CNTN4: variants seen among roughly 807,000 people sequenced by gnomAD.
CNTN4 encodes the protein contactin-4.
CNTN4 carries 77 observed loss-of-function variants against 122.5 expected under a neutral mutation model. The ratio of observed to expected loss-of-function variants is 0.63; its 90% CI spans 0.52 to 0.76. CNTN4 has a LOEUF of 0.76. CNTN4 is among the 30% of genes least tolerant of loss of function. The probability of loss-of-function intolerance (pLI) is 0.00; values close to 1 mark genes in which losing one functional copy is unlikely to be tolerated. For missense variants in CNTN4, 1,256 were observed against 1,259.1 expected (o/e 1.00, Z 0.04); for synonymous variants, 512 against 447.0 (o/e 1.15, Z -1.83).
At chr3:2,965,841 A>G (rs746516825) in intron 13 of CNTN4, among the ~76,000 whole-genome samples, 2 of 152,262 alleles carry the variant, frequency 1.3e-5, no homozygotes, top group African/African-American at 2.4e-5. Context: ...CCCTGTATGT[A>G]TCTAACTCCT....
chr3:2,391,085 T>A (rs558196338), intron 3 of CNTN4, among the ~76,000 whole-genome samples: 25 of 152,292 alleles, frequency 1.6e-4, no homozygotes, highest in African/African-American at 5.8e-4. Flanking sequence ...TGTAATGGGC[T>A]CAGTACTGAC....
chr3:2,839,339 C>T (rs1196290649), intron 7 of CNTN4, among the ~76,000 whole-genome samples: 1 of 150,826 alleles, frequency 6.6e-6, no homozygotes, highest in Non-Finnish European at 1.5e-5. Flanking sequence ...ACCTTAGATG[C>T]AGATAAAAAG....
At chr3:2,118,579 A>G (rs1018767158) in intron 2 of CNTN4, among the ~76,000 whole-genome samples, 1 of 152,214 alleles carries the variant, frequency 6.6e-6, no homozygotes, top group Non-Finnish European at 1.5e-5. Context: ...GTTATATATT[A>G]TTCATTAATC....
chr3:2,624,746 C>T (rs1467976724), intron 4 of CNTN4, among the ~76,000 whole-genome samples: 1 of 151,380 alleles, frequency 6.6e-6, no homozygotes, highest in Non-Finnish European at 1.5e-5. Context: ...ATTCCCTTGC[C>T]TCAGCTTCCC....
intron 3 of CNTN4, among the ~76,000 whole-genome samples, chr3:2,452,288 G>A (rs2048856027): frequency 1.3e-5 from 2 of 152,112 alleles, no homozygotes; most frequent in Non-Finnish European, 2.9e-5. Context: ...TCCCATCTGA[G>A]CCCCAGCAAT....
At chr3:2,721,263 C>T (rs113988281) in intron 4 of CNTN4, among the ~76,000 whole-genome samples, 14 of 152,258 alleles carry the variant, frequency 9.2e-5, no homozygotes, top group African/African-American at 2.6e-4. Flanking sequence ...TGAGCCACCA[C>T]GCCCAGCCAA....
At chr3:2,157,989 TAGAG>T (rs1390001687) in intron 2 of CNTN4, among the ~76,000 whole-genome samples, 2 of 152,232 alleles carry the variant, frequency 1.3e-5, no homozygotes, top group Non-Finnish European at 2.9e-5. Flanking sequence ...GTCATGAAAT[TAGAG>T]TGGAGCCTCA....
chr3:2,972,262 T>C (rs1692995073), intron 13 of CNTN4, among the ~76,000 whole-genome samples: 1 of 152,176 alleles, frequency 6.6e-6, no homozygotes, highest in Non-Finnish European at 1.5e-5. Context: ...AACATTTATA[T>C]GTTAAAAATT....
chr3:2,418,591 T>A (rs28580516), intron 3 of CNTN4, among the ~76,000 whole-genome samples: 4 of 151,950 alleles, frequency 2.6e-5, no homozygotes, highest in African/African-American at 9.7e-5. Context: ...GGCGATTGCA[T>A]TTCTTTATTT....
chr3:2,895,018 G>A (rs535305844), intron 10 of CNTN4, among the ~76,000 whole-genome samples: 8 of 152,008 alleles, frequency 5.3e-5, no homozygotes, highest in South Asian at 2.1e-4. Flanking sequence ...ATTTATTTTC[G>A]AGACAGGGTC....
chr3:2,981,392 C>T (rs149481247), intron 13 of CNTN4, among the ~76,000 whole-genome samples: 12,762 of 151,682 alleles, frequency 0.084, 1,647 homozygotes, highest in African/African-American at 0.27. Context: ...TGCAGTGAGC[C>T]GAGATCGCAG....
intron 3 of CNTN4, among the ~76,000 whole-genome samples, chr3:2,415,854 G>T (rs557308705): frequency 5.3e-5 from 8 of 151,948 alleles, no homozygotes; most frequent in African/African-American, 1.4e-4. Context: ...GCTTATTAGC[G>T]TTCTTGGTTG....
intron 2 of CNTN4, among the ~76,000 whole-genome samples, chr3:2,205,025 T>A (rs2038274854): frequency 6.6e-6 from 1 of 152,102 alleles, no homozygotes; most frequent in African/African-American, 2.4e-5. Context: ...TAGGTTTTGC[T>A]TAATAAAATA....
chr3:2,575,665 G>T (rs1260367133), intron 4 of CNTN4, among the ~76,000 whole-genome samples: 1 of 152,020 alleles, frequency 6.6e-6, no homozygotes, highest in East Asian at 1.9e-4. Flanking sequence ...TCACCTAATT[G>T]GTGAGGCTTT....
At chr3:2,993,621 C>T (rs1695252067) in intron 14 of CNTN4, among the ~76,000 whole-genome samples, 1 of 152,098 alleles carries the variant, frequency 6.6e-6, no homozygotes, top group Middle Eastern at 3.4e-3. Context: ...TATATAAGTA[C>T]CTATATAATA....
At chr3:2,990,310 A>G (rs1261439607) in intron 14 of CNTN4, among the ~76,000 whole-genome samples, 1 of 152,202 alleles carries the variant, frequency 6.6e-6, no homozygotes, top group Admixed American at 6.6e-5. Context: ...TGTATTCTAA[A>G]TCCTGTTGAA....
At position 2,182,086 on chromosome 3, in the gene CNTN4, T is replaced by C. The variant is rs569163414; in HGVS notation, c.-145+81447T>C. ...GTGGAATTTTATCATAAATTACAAG[T>C]TCCACCATGTTAACACGTACATTGC... is the stretch of plus-strand genomic sequence containing the variant. On this transcript the variant is annotated intron_variant, in intron 2 of 24. Transcript: ENST00000418658. Among the ~76,000 whole-genome samples, 5 of 152,266 alleles carry C rather than the reference T, an allele frequency of 3.3e-5. No homozygotes were observed. The East Asian group carries it at 9.6e-4, about 29-fold the overall frequency.
chr3:2,230,886 A>G (rs2039459605), intron 2 of CNTN4, among the ~76,000 whole-genome samples: 1 of 151,924 alleles, frequency 6.6e-6, no homozygotes. Context: ...TACTCAGGAG[A>G]CTGAGGTGAC....
chr3:3,020,349 G>C (rs139192247), intron 14 of CNTN4, among the ~76,000 whole-genome samples: 24 of 152,292 alleles, frequency 1.6e-4, no homozygotes, highest in African/African-American at 5.5e-4. Flanking sequence ...GAGAAGCAGG[G>C]CACGTGTAAA....
Sources: allele counts gnomAD v4.1 joint callset (sites outside exome capture counted in the v4.1 genomes callset), GRCh38; gene constraint gnomAD v4.1.1; transcripts MANE v1.5; gene names NCBI Gene and HGNC (gene_info 2026-07-23, HGNC 2026-07-21).